The following GSE1 variants were observed in gnomAD, a reference collection of about 807,000 sequenced individuals.
GSE1 encodes the protein genetic suppressor element 1.
GSE1 carries 32 observed loss-of-function variants against 112.6 expected under a neutral mutation model. The observed-to-expected ratio is 0.28, with a 90% CI of 0.21 to 0.38. The LOEUF is 0.38. Among genes scored for constraint, GSE1 ranks in the 10% least tolerant of loss-of-function variants. The probability of loss-of-function intolerance (pLI) is 1.00; values close to 1 mark genes in which losing one functional copy is unlikely to be tolerated. For missense variants in GSE1, 2,348 were observed against 1,699.2 expected, an observed-to-expected ratio of 1.38 and a Z score of -6.71; for synonymous variants, 1,115 against 735.6, an observed-to-expected ratio of 1.52 and a Z score of -8.35.
intron 1 of GSE1, among the ~76,000 whole-genome samples, chr16:85,304,375 A>AG (rs2045609127): frequency 6.6e-6 from 1 of 151,996 alleles, no homozygotes; most frequent in African/African-American, 2.4e-5. Flanking sequence ...GGGGCTCTCT[A>AG]GCAGAGGGGC....
At chr16:85,624,271 C>G (rs1451747481) in intron 1 of GSE1, among the ~76,000 whole-genome samples, 1 of 152,202 alleles carries the variant, frequency 6.6e-6, no homozygotes, top group Non-Finnish European at 1.5e-5. Flanking sequence ...TGCCCAGGGC[C>G]TCTGGAGGGA....
At chr16:85,240,940 G>T (rs542750831) in intron 1 of GSE1, among the ~76,000 whole-genome samples, 6 of 152,154 alleles carry the variant, frequency 3.9e-5, no homozygotes, top group Admixed American at 3.3e-4. Flanking sequence ...CATCCTGCTA[G>T]CTCCCTCCTA....
rs746495600 is a variant in GSE1, at chr16:85,663,512, C to T, written c.2542C>T (p.Arg848Cys). The T allele has an allele frequency of 1.1e-5, 18 of 1,613,842 alleles. No individual in the cohort carries two copies. The highest frequency in any genetic ancestry group is 3.3e-5 in the Admixed American group (2 of 59,996). Residue 848 changes from arginine (R) to cysteine (C), a missense_variant, in exon 11 of 16, where the codon CGC becomes TGC. Arg to Cys is a radical substitution (Grantham distance 180). Transcript: ENST00000253458. ...TPSPRLALSTRYSPDEMNNSP... is the reference protein window; with the variant it reads ...TPSPRLALSTCYSPDEMNNSP... ...TTCACCGAGACTGGCGCTGTCTACC[C>T]GCTACAGCCCTGATGAGATGAACAA...
At chr16:85,487,072 T>G (rs1330527876) in intron 2 of GSE1, among the ~76,000 whole-genome samples, 1 of 152,136 alleles carries the variant, frequency 6.6e-6, no homozygotes, top group African/African-American at 2.4e-5. Flanking sequence ...AAGGCAAGAA[T>G]TCCAGAAGCT....
chr16:85,573,445 G>C (rs1203710064), intron 1 of GSE1, among the ~76,000 whole-genome samples: 3 of 152,142 alleles, frequency 2.0e-5, no homozygotes, highest in Admixed American at 6.6e-5. Context: ...ATGTTTTTGT[G>C]TGTCTGTATG....
intron 2 of GSE1, among the ~76,000 whole-genome samples, chr16:85,519,768 A>G (rs1440848944): frequency 6.6e-6 from 1 of 151,990 alleles, no homozygotes; most frequent in African/African-American, 2.4e-5. Flanking sequence ...CCACCATATC[A>G]CCACCGTTGT....
rs142500416 is a variant in GSE1 at position 85,652,545 on chromosome 16, A to AGGCGGCGGCGGCGGCGGC, written c.427-1729_427-1712dup. ...GATGCTGCCTCTCATTGAAGATTCC[A>AGGCGGCGGCGGCGGCGGC]GGCGGCGGCGGCGGCGGCGGCTCCT... On this transcript the variant is annotated intron_variant, in intron 3 of 15. Transcript: ENST00000253458. Among the ~76,000 whole-genome samples the AGGCGGCGGCGGCGGCGGC allele has an allele frequency of 6.6e-5, 10 of 150,954 alleles. No individual in the cohort carries two copies. The South Asian group carries it at 8.4e-4, about 13-fold the overall frequency.
At chr16:85,590,361 ATGAG>A (rs1332866769) in intron 1 of GSE1, among the ~76,000 whole-genome samples, 5 of 141,710 alleles carry the variant, frequency 3.5e-5, no homozygotes, top group Non-Finnish European at 7.6e-5. Flanking sequence ...CTGCTTGTGA[ATGAG>A]TGTGAGTGTG....
At chr16:85,298,963 G>T (rs1396724557) in intron 1 of GSE1, among the ~76,000 whole-genome samples, 1 of 152,216 alleles carries the variant, frequency 6.6e-6, no homozygotes, top group Non-Finnish European at 1.5e-5. Flanking sequence ...GTCACCTGCA[G>T]TCGTAGGCAC....
chr16:85,424,919 A>G (rs1048975755), intron 2 of GSE1, among the ~76,000 whole-genome samples: 1 of 152,266 alleles, frequency 6.6e-6, no homozygotes. Context: ...TTTGCAGAAT[A>G]TTTATTTTAA....
intron 2 of GSE1, among the ~76,000 whole-genome samples, chr16:85,452,187 C>T (rs951801205): frequency 1.6e-4 from 24 of 152,296 alleles, no homozygotes; most frequent in East Asian, 3.9e-4. Flanking sequence ...ATCGGGGCCC[C>T]GCAATTAAGC....
intron 1 of GSE1, chr16:85,595,774 A>T (rs2047194395): frequency 7.0e-6 from 1 of 143,676 alleles, no homozygotes; most frequent in Admixed American, 7.0e-5. Flanking sequence ...CCAACCATCT[A>T]TCCATCCATC....
At chr16:85,531,966 C>T (rs887459093) in intron 2 of GSE1, among the ~76,000 whole-genome samples, 4 of 151,998 alleles carry the variant, frequency 2.6e-5, no homozygotes, top group African/African-American at 7.3e-5. Context: ...AGAAGGGGCG[C>T]GAGTAGGGGG....
intron 2 of GSE1, among the ~76,000 whole-genome samples, chr16:85,459,927 C>T (rs1240845977): frequency 6.6e-6 from 1 of 152,222 alleles, no homozygotes; most frequent in Admixed American, 6.5e-5. Flanking sequence ...CTGGTTGGAT[C>T]TCAGTCCAGG....
intron 2 of GSE1, among the ~76,000 whole-genome samples, chr16:85,461,467 C>G (rs778156558): frequency 2.0e-5 from 3 of 152,044 alleles, no homozygotes; most frequent in Non-Finnish European, 4.4e-5. Flanking sequence ...GGTCCATGCC[C>G]AGAGGTGTGA....
At chr16:85,613,528 C>A (rs1033932409) in intron 1 of GSE1, 130 bp downstream of exon 1, 4 of 853,630 alleles carry the variant, frequency 4.7e-6, no homozygotes, top group African/African-American at 1.8e-5. Flanking sequence ...GGAGTGTTAG[C>A]GGCGATAAGA....
chr16:85,536,464 GC>G (rs1487117089), intron 2 of GSE1, among the ~76,000 whole-genome samples: 1 of 152,242 alleles, frequency 6.6e-6, no homozygotes, highest in Non-Finnish European at 1.5e-5. Context: ...CTTGCCAGGC[GC>G]CTCTGCAGTC....
At chr16:85,319,201 C>G (rs187703158) in intron 1 of GSE1, among the ~76,000 whole-genome samples, 1 of 152,306 alleles carries the variant, frequency 6.6e-6, no homozygotes, top group African/African-American at 2.4e-5. Flanking sequence ...CCAATGAAAA[C>G]ACTAGCTTTC....
chr16:85,220,661 C>T (rs1277046277), intron 1 of GSE1, among the ~76,000 whole-genome samples: 1 of 152,206 alleles, frequency 6.6e-6, no homozygotes, highest in Non-Finnish European at 1.5e-5. Flanking sequence ...TGGCCCGTCT[C>T]GCTTTGTCTC....
Sources: gnomAD v4.1 joint callset for allele counts (sites outside exome capture counted in the v4.1 genomes callset) on GRCh38, gnomAD v4.1.1 for gene constraint, MANE v1.5 for transcripts, NCBI Gene and HGNC (gene_info 2026-07-23, HGNC 2026-07-21) for gene names.